COL10A1: variants seen among roughly 807,000 people sequenced by gnomAD.
The protein encoded by COL10A1 is collagen type X alpha 1 chain.
A neutral mutation model predicts 18.2 loss-of-function variants in COL10A1; 10 were observed. That is an observed-to-expected ratio of 0.55 (90% CI 0.34 to 0.93). The LOEUF (loss-of-function observed/expected upper bound fraction) is 0.93. COL10A1 is among the 40% of genes least tolerant of loss of function. The probability of loss-of-function intolerance (pLI) is 0.02; values close to 1 mark genes in which losing one functional copy is unlikely to be tolerated. For synonymous variants in COL10A1, 330 were observed against 316.6 expected, an observed-to-expected ratio of 1.04 and a Z score of -0.45; for missense variants, 897 against 853.5, an observed-to-expected ratio of 1.05 and a Z score of -0.64.
chr6:116,182,249 G>T, the COL10A1 span, among the ~76,000 whole-genome samples: 1 of 150,898 alleles, frequency 6.6e-6, no homozygotes, highest in Non-Finnish European at 1.5e-5. Flanking sequence ...GTGTGTGTGT[G>T]TGTGTATCAC....
chr6:116,135,872 T>TATAC (rs368675402), intron 1 of COL10A1, among the ~76,000 whole-genome samples: 125 of 121,270 alleles, frequency 1.0e-3, no homozygotes, highest in Non-Finnish European at 1.4e-3. Flanking sequence ...TATATATATA[T>TATAC]ACACACATAC....
At chr6:116,123,635 A>C (rs1779204254) in intron 2 of COL10A1, among the ~76,000 whole-genome samples, 1 of 152,196 alleles carries the variant, frequency 6.6e-6, no homozygotes, top group African/African-American at 2.4e-5. Context: ...TCCTGTTTCA[A>C]CTTAATGTCT....
chr6:116,185,165 A>C, the COL10A1 span, among the ~76,000 whole-genome samples: 2 of 152,048 alleles, frequency 1.3e-5, no homozygotes, highest in African/African-American at 4.8e-5. Context: ...ATGTATTTGC[A>C]TGATTTTGAG....
At chr6:116,135,885 A>G (rs1779588667) in intron 1 of COL10A1, among the ~76,000 whole-genome samples, 1 of 147,292 alleles carries the variant, frequency 6.8e-6, no homozygotes, top group Non-Finnish European at 1.5e-5. Flanking sequence ...ACACATACAC[A>G]CACATTGCTA....
upstream of COL10A1, among the ~76,000 whole-genome samples, chr6:116,128,266 G>C (rs971414682): frequency 2.6e-5 from 4 of 152,110 alleles, no homozygotes; most frequent in African/African-American, 7.2e-5. Flanking sequence ...TCTGACTGCT[G>C]TTTGCTTTGT....
chr6:116,121,654 C>A lies in COL10A1; in HGVS notation c.462G>T (p.Val154=), dbSNP rs777052338. The A allele has an allele frequency of 2.5e-6, 4 of 1,613,788 alleles. No individual in the cohort carries two copies. In the African/African-American group the frequency reaches 5.3e-5, roughly 22 times the overall value. ...PGIPGPAGIS[V]PGKPGQQGPT... Reference sequence around the variant, plus strand: ...GTCCCTGTTGTCCAGGTTTTCCTGGCACAGAAATTCCAGCCGGTCCAGGGA... The same window carrying A: ...GTCCCTGTTGTCCAGGTTTTCCTGGAACAGAAATTCCAGCCGGTCCAGGGA... Residue 154 remains valine (V), a synonymous_variant, in exon 3 of 3, where the codon GTG becomes GTT. Coordinates refer to ENST00000651968, the MANE Select transcript of COL10A1 (RefSeq NM_000493.4).
At chr6:116,182,636 G>A in the COL10A1 span, among the ~76,000 whole-genome samples, 3 of 152,038 alleles carry the variant, frequency 2.0e-5, no homozygotes, top group Non-Finnish European at 4.4e-5. Flanking sequence ...CTGATCGCTA[G>A]TGATGTTGAG....
chr6:116,150,397 G>C (rs1467495881), intron 1 of COL10A1, among the ~76,000 whole-genome samples: 1 of 152,034 alleles, frequency 6.6e-6, no homozygotes, highest in Admixed American at 6.6e-5. Context: ...CAATTCTCCT[G>C]CCTCAACCTC....
intron 1 of COL10A1, among the ~76,000 whole-genome samples, chr6:116,150,057 A>C (rs554497095): frequency 1.0e-3 from 155 of 152,266 alleles, no homozygotes; most frequent in Non-Finnish European, 1.8e-3. Flanking sequence ...TAAGTGTTGA[A>C]GTTTAGAGAA....
chr6:116,129,268 C>T (rs543003626), upstream of COL10A1, among the ~76,000 whole-genome samples: 1 of 152,242 alleles, frequency 6.6e-6, no homozygotes, highest in South Asian at 2.1e-4. Flanking sequence ...GAAACACATA[C>T]ATACATATCC....
At chr6:116,150,437 A>G (rs1325550587) in intron 1 of COL10A1, among the ~76,000 whole-genome samples, 3 of 152,012 alleles carry the variant, frequency 2.0e-5, no homozygotes, top group African/African-American at 7.3e-5. Flanking sequence ...GGTGCCCGCC[A>G]CCACACCCAA....
the COL10A1 span, among the ~76,000 whole-genome samples, chr6:116,204,545 C>G: frequency 6.6e-6 from 1 of 151,886 alleles, no homozygotes; most frequent in Non-Finnish European, 1.5e-5. Flanking sequence ...CCCAACAATT[C>G]TGAAAGCAAA....
At position 116,120,605 on chromosome 6, in the gene COL10A1, G is replaced by A; in HGVS notation, c.1511C>T (p.Pro504Leu). 6.3e-7 allele frequency: 1 copy of A among 1,577,590 alleles called. No homozygotes were observed. The highest frequency in any genetic ancestry group is 8.6e-7 in the Non-Finnish European group (1 of 1,166,452). ...PPGPRGHSGE[P>L]GLPGPPGPPG... The stretch of plus-strand genomic sequence containing the variant: ...AGGCCCAGGGGGCCCTGGAAGACCA[G>A]GCTCTCCAGAGTGGCCTCTTGGACC... Residue 504 changes from proline (P) to leucine (L), a missense_variant, in exon 3 of 3, where the codon CCT (proline) becomes CTT (leucine). Physicochemically the swap from Pro to Leu is moderately conservative, Grantham distance 98. Coordinates refer to ENST00000651968, the MANE Select transcript of COL10A1 (RefSeq NM_000493.4).
In COL10A1 at chr6:116,134,745, G is replaced by A. The variant is rs527615897; in HGVS notation, c.-15-9238C>T. Among the ~76,000 whole-genome samples the A allele has an allele frequency of 2.6e-5, 4 of 152,256 alleles. No individual in the cohort carries two copies. The East Asian group carries it at 7.7e-4, about 29-fold the overall frequency. On this transcript the variant is annotated intron_variant, in intron 1 of 1. Transcript: ENST00000418500. The stretch of plus-strand genomic sequence containing the variant: ...GTTTTCACAAAAGAAAATAACCGTG[G>A]TTGCTGTTCTAGTAAGTGTGTACCT...
At position 116,121,896 on chromosome 6, in the gene COL10A1, G is replaced by C. The variant is rs1417438111; in HGVS notation, c.220C>G (p.Pro74Ala). Residue 74 changes from proline to alanine, a missense_variant, in exon 3 of 3, where the codon CCA becomes GCA. By Grantham distance (27) the Pro-to-Ala change is conservative. Transcript: ENST00000651968. The part of the protein sequence containing the change: ...PPGPAGPRGH[P>A]GPSGPPGKPG... ...TTTCCTGGTGGTCCAGAAGGACCTGGGTGCCCTCGAGGTCCAGCAGGGCCT... is the reference window on the plus strand; with the variant it reads ...TTTCCTGGTGGTCCAGAAGGACCTGCGTGCCCTCGAGGTCCAGCAGGGCCT... The C allele has an allele frequency of 6.2e-7, 1 of 1,613,890 alleles. No homozygotes were observed. The highest frequency in any genetic ancestry group is 1.1e-5 in the South Asian group (1 of 91,056).
rs1779071766 is a variant in COL10A1 at position 116,120,246 on chromosome 6, T to A, written c.1870A>T (p.Thr624Ser). 2.5e-6 allele frequency: 4 copies of A among 1,614,178 alleles called. No individual in the cohort carries two copies. The South Asian group carries it at 3.3e-5, about 13-fold the overall frequency. The change falls in exon 3 of 3, where the codon ACC (threonine) becomes TCC (serine). Residue 624 changes from threonine to serine, a missense_variant. Thr to Ser is a moderately conservative substitution (Grantham distance 58). Transcript: ENST00000651968. ...LYKNGTPVMY[T>S]YDEYTKGYLD... ...TAGCCTTTGGTGTATTCATCATAGG[T>A]GTACATTACAGGGGTGCCATTCTTA...
At chr6:116,172,440 G>A in the COL10A1 span, among the ~76,000 whole-genome samples, 1 of 149,732 alleles carries the variant, frequency 6.7e-6, no homozygotes, top group Non-Finnish European at 1.5e-5. Context: ...TCCTGCCTCA[G>A]CTTGCTGAGT....
At chr6:116,203,069 T>C in the COL10A1 span, among the ~76,000 whole-genome samples, 3 of 152,002 alleles carry the variant, frequency 2.0e-5, no homozygotes, top group African/African-American at 4.8e-5. Flanking sequence ...TAAACATTTT[T>C]ATGGTAGGAC....
At chr6:116,196,528 G>T in the COL10A1 span, among the ~76,000 whole-genome samples, 1 of 151,886 alleles carries the variant, frequency 6.6e-6, no homozygotes, top group African/African-American at 2.4e-5. Context: ...ATAGCACAAA[G>T]AAATTATATC....
Sources: allele counts gnomAD v4.1 joint callset (sites outside exome capture counted in the v4.1 genomes callset), GRCh38; gene constraint gnomAD v4.1.1; transcripts MANE v1.5; gene names NCBI Gene and HGNC (gene_info 2026-07-23, HGNC 2026-07-21).